Variants in PDE11A observed in about 807,000 individuals in gnomAD.
PDE11A encodes phosphodiesterase 11A.
Under a neutral mutation model 100.5 loss-of-function variants are expected in PDE11A, and 100 were observed. That is an observed-to-expected ratio of 1.00 (90% CI 0.85 to 1.18). The LOEUF (loss-of-function observed/expected upper bound fraction) is 1.18. PDE11A is among the 50% of genes most tolerant of loss of function. PDE11A has a pLI of 0.00. For missense variants in PDE11A, 1,141 were observed against 1,152.6 expected (o/e 0.99, Z 0.15); for synonymous variants, 381 against 420.8 (o/e 0.91, Z 1.16).
chr2:177,840,166 G>C (rs909257197), intron 6 of PDE11A, 85 bp downstream of exon 6: 5 of 1,355,210 alleles, frequency 3.7e-6, no homozygotes, highest in Non-Finnish European at 5.3e-6. Flanking sequence ...AAGAATTGCT[G>C]GTAAGTATTC....
At chr2:177,966,460 G>T (rs2105793404) in intron 2 of PDE11A, among the ~76,000 whole-genome samples, 1 of 152,212 alleles carries the variant, frequency 6.6e-6, no homozygotes, top group South Asian at 2.1e-4. Context: ...TGCCCATTTA[G>T]TATGATGTTG....
chr2:177,866,387 C>T (rs1411937610), intron 5 of PDE11A, among the ~76,000 whole-genome samples: 1 of 152,206 alleles, frequency 6.6e-6, no homozygotes, highest in Non-Finnish European at 1.5e-5. Flanking sequence ...TTTTTCCAAA[C>T]CACACTGTGA....
At chr2:178,045,753 T>G (rs1427463953) in intron 1 of PDE11A, among the ~76,000 whole-genome samples, 1 of 152,232 alleles carries the variant, frequency 6.6e-6, no homozygotes, top group Non-Finnish European at 1.5e-5. Context: ...TCTCCAAACC[T>G]GACACAATTG....
chr2:177,681,479 C>T (rs1428047598), intron 15 of PDE11A, among the ~76,000 whole-genome samples: 2 of 149,474 alleles, frequency 1.3e-5, no homozygotes, highest in Non-Finnish European at 3.0e-5. Flanking sequence ...TAATTAAATC[C>T]TCTGAGTCTC....
chr2:177,721,600 C>T (rs2081529258), intron 12 of PDE11A, among the ~76,000 whole-genome samples: 1 of 152,036 alleles, frequency 6.6e-6, no homozygotes, highest in Admixed American at 6.6e-5. Context: ...AGCTTTCAAC[C>T]CTAACAATAT....
chr2:177,693,190 C>T (rs1339218894), intron 15 of PDE11A, among the ~76,000 whole-genome samples: 2 of 152,310 alleles, frequency 1.3e-5, no homozygotes, highest in Admixed American at 6.5e-5. Flanking sequence ...CGCAGTGCCT[C>T]AGCGGTCCTG....
intron 2 of PDE11A, among the ~76,000 whole-genome samples, chr2:177,984,263 G>T (rs1418199662): frequency 6.6e-6 from 1 of 152,172 alleles, no homozygotes; most frequent in African/African-American, 2.4e-5. Flanking sequence ...GCATGAAATT[G>T]CTTGCTCTTG....
intron 14 of PDE11A, among the ~76,000 whole-genome samples, chr2:177,697,815 CACTA>C (rs2081136263): frequency 6.6e-6 from 1 of 152,210 alleles, no homozygotes; most frequent in African/African-American, 2.4e-5. Context: ...ATGCTATTTT[CACTA>C]CCAGTGAAGG....
At chr2:177,770,894 A>C (rs549794946) in intron 9 of PDE11A, among the ~76,000 whole-genome samples, 1 of 152,172 alleles carries the variant, frequency 6.6e-6, no homozygotes, top group Non-Finnish European at 1.5e-5. Flanking sequence ...TAGTGTGATC[A>C]TAGCTCACTG....
chr2:177,695,144 G>T (rs1191707500), intron 15 of PDE11A, among the ~76,000 whole-genome samples: 2 of 151,290 alleles, frequency 1.3e-5, no homozygotes, highest in Non-Finnish European at 2.9e-5. Flanking sequence ...ATAATTGCTA[G>T]ATAAAATAAT....
At chr2:177,632,697 A>T (rs73038621) in intron 19 of PDE11A, among the ~76,000 whole-genome samples, 2 of 152,152 alleles carry the variant, frequency 1.3e-5, no homozygotes, top group Non-Finnish European at 2.9e-5. Context: ...TTCCTAATGC[A>T]GTATTTCACT....
intron 2 of PDE11A, among the ~76,000 whole-genome samples, chr2:177,986,533 A>G (rs1373352908): frequency 6.6e-6 from 1 of 152,108 alleles, no homozygotes; most frequent in Non-Finnish European, 1.5e-5. Context: ...TTGTCTTCTT[A>G]AGAATGGGGA....
At chr2:177,780,550 ATCT>A (rs1368732983) in intron 9 of PDE11A, among the ~76,000 whole-genome samples, 2 of 152,228 alleles carry the variant, frequency 1.3e-5, no homozygotes, top group Non-Finnish European at 2.9e-5. Context: ...CCTAGATGGC[ATCT>A]TCTTCCAGTA....
chr2:178,016,411 C>G (rs1468581462), intron 1 of PDE11A, among the ~76,000 whole-genome samples: 1 of 152,116 alleles, frequency 6.6e-6, no homozygotes, highest in Admixed American at 6.5e-5. Context: ...ACCAAATCTC[C>G]TGCTCAAAAT....
intron 3 of PDE11A, among the ~76,000 whole-genome samples, 196 bp from the exon 4 acceptor site, chr2:177,898,394 C>T (rs542644567): frequency 4.4e-4 from 67 of 152,190 alleles, no homozygotes; most frequent in Non-Finnish European, 7.4e-4. Flanking sequence ...CAAAATACAA[C>T]TTGAGAATAG....
At chr2:177,653,327 T>C (rs2080336352) in intron 19 of PDE11A, among the ~76,000 whole-genome samples, 1 of 152,188 alleles carries the variant, frequency 6.6e-6, no homozygotes, top group Admixed American at 6.5e-5. Flanking sequence ...TGGCAGTGGC[T>C]ACACAGGCTG....
intron 9 of PDE11A, among the ~76,000 whole-genome samples, chr2:177,774,857 G>A (rs985826599): frequency 5.9e-5 from 9 of 152,200 alleles, no homozygotes; most frequent in African/African-American, 1.9e-4. Flanking sequence ...CTGTGTATAT[G>A]ATATGTCACA....
intron 6 of PDE11A, 130 bp from the exon 7 acceptor site, chr2:177,820,425 T>C (rs2083120461): frequency 1.5e-6 from 1 of 647,990 alleles, no homozygotes; most frequent in Non-Finnish European, 2.8e-6. Flanking sequence ...TGTAACCTAA[T>C]TTTGTAATGC....
intron 2 of PDE11A, among the ~76,000 whole-genome samples, chr2:177,921,274 C>A (rs2085040462): frequency 6.6e-6 from 1 of 150,784 alleles, no homozygotes. Context: ...TATTATTTTC[C>A]TATAGATATA....
Sources: allele counts gnomAD v4.1 joint callset (sites outside exome capture counted in the v4.1 genomes callset), GRCh38; gene constraint gnomAD v4.1.1; transcripts MANE v1.5; gene names NCBI Gene and HGNC (gene_info 2026-07-23, HGNC 2026-07-21).